Variants in PAAF1 observed in about 807,000 individuals in gnomAD.
PAAF1 encodes proteasomal ATPase associated factor 1.
PAAF1 carries 46 observed loss-of-function variants against 52.8 expected under a neutral mutation model. That is an observed-to-expected ratio of 0.87 (90% CI 0.69 to 1.11). The LOEUF (loss-of-function observed/expected upper bound fraction) is 1.11. PAAF1 is among the 50% of genes most tolerant of loss of function. PAAF1 has a pLI of 0.00. For synonymous variants in PAAF1, 178 were observed against 172.8 expected, an observed-to-expected ratio of 1.03 and a Z score of -0.24; for missense variants, 424 against 477.4, an observed-to-expected ratio of 0.89 and a Z score of 1.04.
chr11:73,913,485 C>T (rs1039070903), intron 7 of PAAF1, among the ~76,000 whole-genome samples: 1 of 152,064 alleles, frequency 6.6e-6, no homozygotes, highest in Non-Finnish European at 1.5e-5. Flanking sequence ...AAGTTACCCT[C>T]CCCATCTAGC....
chr11:73,887,632 T>C (rs913831081), intron 3 of PAAF1, among the ~76,000 whole-genome samples, 175 bp downstream of exon 3: 9 of 152,234 alleles, frequency 5.9e-5, no homozygotes, highest in Admixed American at 5.9e-4. Flanking sequence ...CATATACTTT[T>C]AAGTGCCATC....
Position 73,927,326 on chromosome 11 carries a change from C to T in PAAF1, c.1143C>T (p.Asp381=), listed in dbSNP as rs142665451. 2.9e-5 allele frequency: 47 copies of T among 1,614,128 alleles called. No individual in the cohort carries two copies. The African/African-American group carries it at 4.1e-4, about 14-fold the overall frequency. The stretch of plus-strand genomic sequence containing the variant: ...AGCAGATCTACACATGCTGTCGAGA[C>T]GGTCTTGTACGACGCTACCAGCTTT... The part of the protein sequence containing the change: ...WEKQIYTCCR[D]GLVRRYQLSD... Residue 381 remains aspartate, a synonymous_variant, in exon 12 of 12, where the codon GAC becomes GAT. Coordinates refer to ENST00000310571, the MANE Select transcript of PAAF1 (RefSeq NM_025155.3).
At chr11:73,922,540 G>A (rs988892072) in intron 10 of PAAF1, among the ~76,000 whole-genome samples, 2 of 152,092 alleles carry the variant, frequency 1.3e-5, no homozygotes, top group Non-Finnish European at 2.9e-5. Flanking sequence ...GATATAGGCC[G>A]GGCACAGTGG....
chr11:73,893,786 C>G (rs35133035), intron 4 of PAAF1, among the ~76,000 whole-genome samples: 6 of 149,506 alleles, frequency 4.0e-5, no homozygotes, highest in Non-Finnish European at 8.9e-5. Context: ...AACGTGGGCG[C>G]GGTGGCTCAT....
In PAAF1 at chr11:73,916,556, TA is replaced by T; in HGVS notation, c.832del (p.Ile278LeufsTer31). On this transcript the variant is annotated frameshift_variant, in exon 9 of 12. Transcript: ENST00000310571. LOFTEE classifies it high-confidence loss of function. ...LQSRQLVFLF[I>X]GSDAFNCCTF... Reference sequence around the variant, plus strand: ...CTACTTGTTCCCAGGTGTTCCTCTTTATTGGCTCAGACGCTTTCAACTGCTG... The same window carrying T: ...CTACTTGTTCCCAGGTGTTCCTCTTTTTGGCTCAGACGCTTTCAACTGCTG... 2 of 1,612,314 alleles carry T rather than the reference TA, an allele frequency of 1.2e-6. No homozygotes were observed. Among genetic ancestry groups the T allele is most frequent in the Non-Finnish European group, 1.7e-6 (2 of 1,178,986 alleles).
chr11:73,891,294 AAT>A (rs1949196858), intron 4 of PAAF1, 93 bp downstream of exon 4: 2 of 715,686 alleles, frequency 2.8e-6, no homozygotes, highest in Non-Finnish European at 4.6e-6. Context: ...ATTCATAATT[AAT>A]ATGTCTTTCA....
chr11:73,905,258 C>G (rs1465045630), intron 6 of PAAF1, among the ~76,000 whole-genome samples: 1 of 151,908 alleles, frequency 6.6e-6, no homozygotes, highest in Admixed American at 6.6e-5. Context: ...GAATCTCACT[C>G]TGTTGCCCAG....
At chr11:73,881,796 T>G (rs1250597404) in intron 2 of PAAF1, among the ~76,000 whole-genome samples, 1 of 152,114 alleles carries the variant, frequency 6.6e-6, no homozygotes. Context: ...AACCTCTGCC[T>G]CCTGGGTTCA....
At chr11:73,896,314 T>A (rs1949363079) in intron 4 of PAAF1, among the ~76,000 whole-genome samples, 1 of 151,418 alleles carries the variant, frequency 6.6e-6, no homozygotes, top group Admixed American at 6.6e-5. Flanking sequence ...TTATTTTTTT[T>A]TTTATTGATC....
intron 2 of PAAF1, chr11:73,886,901 G>A (rs1238696468): frequency 2.7e-6 from 1 of 368,820 alleles, no homozygotes; most frequent in Non-Finnish European, 5.4e-6. Context: ...GAGTGACTGA[G>A]TTCTCACTCT....
intron 5 of PAAF1, among the ~76,000 whole-genome samples, chr11:73,899,788 G>A (rs1011400577): frequency 1.3e-5 from 2 of 152,138 alleles, no homozygotes; most frequent in African/African-American, 4.8e-5. Context: ...CAGTTAAGGA[G>A]CCAGACCAGT....
At chr11:73,921,557 C>G (rs960295891) in intron 10 of PAAF1, 5 of 549,326 alleles carry the variant, frequency 9.1e-6, no homozygotes, top group Non-Finnish European at 1.4e-5. Flanking sequence ...GGTCTTCTCT[C>G]TTCTGTATAA....
At chr11:73,882,020 A>C (rs568170207) in intron 2 of PAAF1, among the ~76,000 whole-genome samples, 1 of 151,132 alleles carries the variant, frequency 6.6e-6, no homozygotes, top group Non-Finnish European at 1.5e-5. Context: ...GATTACAAGC[A>C]TGTGCCACCA....
rs769607993 is a variant in PAAF1, at chr11:73,928,155, G to A, written c.*793G>A. ...CCTAGACCTAAATCAGAAATTCTAC[G>A]GGTGCAGCCAGCAGTCTGTATTTTA... On this transcript the variant is annotated 3_prime_UTR_variant, in exon 12 of 12. Transcript: ENST00000310571. The A allele has an allele frequency of 1.3e-5, 2 of 152,222 alleles. No individual in the cohort carries two copies. The highest frequency in any genetic ancestry group is 1.9e-4 in the East Asian group (1 of 5,200). The allele number at this position is 152,222 out of a possible 1,614,324, so 9.4% of individuals were successfully genotyped here. A position where few individuals can be genotyped will look rare whatever the true frequency, so the allele number is the denominator to read the frequency against.
chr11:73,884,065 A>C lies in PAAF1; in HGVS notation c.89-3289A>C, dbSNP rs76061368. ...TAGAAACATGAATTGGATTGGTGAC[A>C]GTCGGCACAGTTGTGTTCTTTTCTG... On this transcript the variant is annotated intron_variant, in intron 2 of 11. Coordinates refer to ENST00000310571, the MANE Select transcript of PAAF1 (RefSeq NM_025155.3). Among the ~76,000 whole-genome samples, 1,136 of 152,276 alleles carry C rather than the reference A, an allele frequency of 7.5e-3. 15 individuals are homozygous for C. Among genetic ancestry groups the C allele is most frequent in the African/African-American group, 0.024 (992 of 41,550 alleles).
chr11:73,882,663 C>T (rs1402764993), intron 2 of PAAF1, among the ~76,000 whole-genome samples: 1 of 151,894 alleles, frequency 6.6e-6, no homozygotes, highest in African/African-American at 2.4e-5. Flanking sequence ...AGTGCAGTGG[C>T]ATGTTCTCGG....
chr11:73,919,069 G>T, intron 10 of PAAF1, 37 bp downstream of exon 10: 1 of 1,526,364 alleles, frequency 6.6e-7, no homozygotes. Context: ...ATGCTTCTCT[G>T]TAGTTCAGTT....
chr11:73,885,523 T>C (rs1489797221), intron 2 of PAAF1, among the ~76,000 whole-genome samples: 1 of 151,922 alleles, frequency 6.6e-6, no homozygotes, highest in Non-Finnish European at 1.5e-5. Context: ...CTCCTATCTT[T>C]CTTTGAGGCT....
intron 2 of PAAF1, among the ~76,000 whole-genome samples, chr11:73,882,703 T>C (rs182192460): frequency 6.6e-6 from 1 of 151,924 alleles, no homozygotes; most frequent in Non-Finnish European, 1.5e-5. Context: ...TCCAGGTTCA[T>C]GCCATTCTTC....
Sources: allele counts gnomAD v4.1 joint callset (sites outside exome capture counted in the v4.1 genomes callset), GRCh38; gene constraint gnomAD v4.1.1; transcripts MANE v1.5; gene names NCBI Gene and HGNC (gene_info 2026-07-23, HGNC 2026-07-21).